SATB1: variants seen among roughly 807,000 people sequenced by gnomAD.
SATB1 encodes the protein SATB homeobox 1.
Under a neutral mutation model 86.9 loss-of-function variants are expected in SATB1, and 11 were observed. The observed-to-expected ratio is 0.13, with a 90% CI of 0.08 to 0.21. The LOEUF (loss-of-function observed/expected upper bound fraction) is 0.21. SATB1 is among the 10% of genes least tolerant of loss of function. The pLI is 1.00. For missense variants in SATB1, 551 were observed against 937.6 expected (o/e 0.59, Z 5.39); for synonymous variants, 357 against 357.2 (o/e 1.00, Z 0.01).
rs1487621448 is a variant in SATB1, at chr3:18,345,411, C to T, written c.*3759G>A. ...TTAATTTCAAACTATTTTTATTTAA[C>T]ATTTGGTATTGTTAAACAGGTATAG... On this transcript the variant is annotated 3_prime_UTR_variant, in exon 11 of 11. Transcript: ENST00000338745. The T allele has an allele frequency of 6.6e-6, 1 of 152,014 alleles. No homozygotes were observed. The highest frequency in any genetic ancestry group is 1.9e-4 in the East Asian group (1 of 5,196). 9.4% of individuals were successfully genotyped at this position (152,014 alleles called of 1,614,324 possible). A position where few individuals can be genotyped will look rare whatever the true frequency, so the allele number is the denominator to read the frequency against.
At chr3:18,430,327 C>T (rs1027174458), upstream of SATB1, among the ~76,000 whole-genome samples, 4 of 152,128 alleles carry the variant, frequency 2.6e-5, no homozygotes, top group East Asian at 7.7e-4. Context: ...TTAGAATTAG[C>T]CTGTAGATCT....
intron 9 of SATB1, among the ~76,000 whole-genome samples, chr3:18,358,266 T>C (rs1694750296): frequency 6.6e-6 from 1 of 152,018 alleles, no homozygotes; most frequent in South Asian, 2.1e-4. Context: ...TAAAAACACT[T>C]GTCTTAAGAT....
chr3:18,370,535 AAG>A (rs1559407430), intron 9 of SATB1, among the ~76,000 whole-genome samples: 3 of 148,562 alleles, frequency 2.0e-5, no homozygotes, highest in African/African-American at 7.4e-5. Context: ...AAAAAAAAAA[AAG>A]AGGAAAAACA....
chr3:18,355,846 T>G (rs1397534207), intron 9 of SATB1, among the ~76,000 whole-genome samples: 1 of 151,946 alleles, frequency 6.6e-6, no homozygotes, highest in East Asian at 1.9e-4. Flanking sequence ...CTCAGAAAAC[T>G]AAAATGGTAC....
rs1254245849 is a variant in SATB1, at chr3:18,346,733, T to C, written c.*2437A>G. 1 of 152,136 alleles carries C rather than the reference T, an allele frequency of 6.6e-6. No homozygotes were observed. 9.4% of individuals were successfully genotyped at this position (152,136 alleles called of 1,614,324 possible). A position where few individuals can be genotyped will look rare whatever the true frequency, so the allele number is the denominator to read the frequency against. On this transcript the variant is annotated 3_prime_UTR_variant, in exon 11 of 11. Coordinates refer to ENST00000338745, the MANE Select transcript of SATB1 (RefSeq NM_002971.6). ...CAAACAAACATTCAAACATTCATCA[T>C]TTCACTGAAAACACTATTTCAAAAT...
chr3:18,346,128 G>A lies in SATB1; in HGVS notation c.*3042C>T, dbSNP rs536650140. On this transcript the variant is annotated 3_prime_UTR_variant, in exon 11 of 11. Transcript: ENST00000338745. ...CCACACAACTAGGACATACATATTA[G>A]TTACCTTGGTTTTCAAAGGTTGTCA... is the stretch of plus-strand genomic sequence containing the variant. The A allele has an allele frequency of 5.3e-5, 8 of 152,200 alleles. No homozygotes were observed. The South Asian group carries it at 1.7e-3, about 31-fold the overall frequency. The allele number at this position is 152,200 out of a possible 1,614,324, so 9.4% of individuals were successfully genotyped here.
Position 18,349,073 on chromosome 3 carries a change from A to C in SATB1, c.*97T>G. 3 of 1,511,164 alleles carry C rather than the reference A, an allele frequency of 2.0e-6. No individual in the cohort carries two copies. Among genetic ancestry groups the C allele is most frequent in the South Asian group, 2.8e-5 (2 of 72,510 alleles). 93.6% of individuals were successfully genotyped at this position (1,511,164 alleles called of 1,614,324 possible). A position where few individuals can be genotyped will look rare whatever the true frequency, so the allele number is the denominator to read the frequency against. On this transcript the variant is annotated 3_prime_UTR_variant, in exon 11 of 11. Coordinates refer to ENST00000338745, the MANE Select transcript of SATB1 (RefSeq NM_002971.6). This position sits in a 1 kb window ranked among gnomAD's most constrained non-coding sequence, Gnocchi z 5.5. ...GTTTTTGAAGATTCATTGGCCAAAC[A>C]ATGAACAACAAAGGTTTTCTGAGAG... is the stretch of plus-strand genomic sequence containing the variant.
At chr3:18,422,928 T>C (rs1321101411) in intron 1 of SATB1, among the ~76,000 whole-genome samples, 2 of 152,240 alleles carry the variant, frequency 1.3e-5, no homozygotes, top group East Asian at 1.9e-4. Context: ...AAGTATCATA[T>C]AGGTCATGAA....
At chr3:18,412,550 T>C (rs929025627) in intron 5 of SATB1, among the ~76,000 whole-genome samples, 3 of 152,038 alleles carry the variant, frequency 2.0e-5, no homozygotes, top group African/African-American at 7.2e-5. Context: ...TATTGCATGC[T>C]AAAGGTTCTC....
intron 5 of SATB1, chr3:18,408,715 T>C (rs1010802744): frequency 2.6e-5 from 4 of 151,508 alleles, no homozygotes; most frequent in Non-Finnish European, 4.4e-5. Context: ...GGGTTGTTCA[T>C]GGTTTGCCCA....
At position 18,444,467 on chromosome 3, in the gene SATB1, G is replaced by A; in HGVS notation, c.-25+1051C>T. 4.2e-6 allele frequency: 2 copies of A among 478,242 alleles called. No individual in the cohort carries two copies. Among genetic ancestry groups the A allele is most frequent in the African/African-American group, 4.2e-5 (2 of 47,540 alleles). 29.6% of individuals were successfully genotyped at this position (478,242 alleles called of 1,614,324 possible). A position where few individuals can be genotyped will look rare whatever the true frequency, so the allele number is the denominator to read the frequency against. ...AAGACCGTTGAAGCCCTGCGCCCAC[G>A]AGAGGGGAGCCCAGCCGCCCCAATA... On this transcript the variant is annotated intron_variant, in intron 1 of 3. Transcript: ENST00000415069. The surrounding 1 kb of genome is among the most constrained non-coding windows in gnomAD (Gnocchi z 5.1).
intron 9 of SATB1, among the ~76,000 whole-genome samples, chr3:18,354,799 A>C (rs142728502): frequency 6.6e-6 from 1 of 152,104 alleles, no homozygotes; most frequent in Non-Finnish European, 1.5e-5. Context: ...GCTAATTCCT[A>C]AACAATCACA....
In SATB1 at chr3:18,413,276, T is replaced by C. The variant is rs112365361; in HGVS notation, c.639+1835A>G. Among the ~76,000 whole-genome samples the C allele has an allele frequency of 3.0e-3, 457 of 152,186 alleles. 3 individuals carry two copies. The highest frequency in any genetic ancestry group is 0.01 in the African/African-American group (431 of 41,550). On this transcript the variant is annotated intron_variant, in intron 5 of 10. Coordinates refer to ENST00000338745, the MANE Select transcript of SATB1 (RefSeq NM_002971.6). ...ATTTATAAGTTATAGTGAGGTAGAG[T>C]TTATTGGCTGAATGTTGATGTCATT... is the stretch of plus-strand genomic sequence containing the variant.
At chr3:18,426,469 C>T (rs1393887230), upstream of SATB1, among the ~76,000 whole-genome samples, 1 of 152,208 alleles carries the variant, frequency 6.6e-6, no homozygotes, top group African/African-American at 2.4e-5. The surrounding 1 kb of genome is among the most constrained non-coding windows in gnomAD (Gnocchi z 4.2). Flanking sequence ...ATAAACACTT[C>T]TGCTGTAATC....
intron 1 of SATB1, among the ~76,000 whole-genome samples, chr3:18,422,356 G>A (rs1422877639): frequency 6.6e-6 from 1 of 152,106 alleles, no homozygotes; most frequent in East Asian, 1.9e-4. Flanking sequence ...TCAAGAAAAG[G>A]GGGGCAGCAA....
intron 4 of SATB1, 31 bp downstream of exon 4, chr3:18,415,976 G>A (rs1344321728): frequency 6.5e-7 from 1 of 1,540,470 alleles, no homozygotes; most frequent in Admixed American, 1.9e-5. Context: ...TAAGAAGAAT[G>A]TTTCACCCTA....
intron 10 of SATB1, chr3:18,350,706 A>C (rs908117186): frequency 6.6e-6 from 1 of 152,396 alleles, no homozygotes; most frequent in African/African-American, 2.4e-5. Flanking sequence ...TAAGTTTTTC[A>C]GGCTTTCACG....
At chr3:18,443,003 T>G (rs1376461212), upstream of SATB1, among the ~76,000 whole-genome samples, 1 of 152,240 alleles carries the variant, frequency 6.6e-6, no homozygotes, top group Non-Finnish European at 1.5e-5. The surrounding 1 kb of genome is among the most constrained non-coding windows in gnomAD (Gnocchi z 4.4). Context: ...AGCAAACACC[T>G]CAACCTTGGT....
At chr3:18,442,851 C>T (rs1699275899), upstream of SATB1, among the ~76,000 whole-genome samples, 1 of 152,168 alleles carries the variant, frequency 6.6e-6, no homozygotes, top group Admixed American at 6.5e-5. Flanking sequence ...AAAATGTAAG[C>T]TTGAATGCTA....
Sources: allele counts gnomAD v4.1 joint callset (sites outside exome capture counted in the v4.1 genomes callset), GRCh38; gene constraint gnomAD v4.1.1; non-coding constraint Gnocchi (gnomAD v3.1); transcripts MANE v1.5; gene names NCBI Gene and HGNC (gene_info 2026-07-23, HGNC 2026-07-21).